ENTPD6: variants seen among roughly 807,000 people sequenced by gnomAD.
The protein encoded by ENTPD6 is ectonucleoside triphosphate diphosphohydrolase 6, also known as CD39 antigen-like 2.
A neutral mutation model predicts 61.5 loss-of-function variants in ENTPD6; 46 were observed. That is an observed-to-expected ratio of 0.75 (90% CI 0.59 to 0.96). ENTPD6 has a LOEUF of 0.96. Among genes scored for constraint, ENTPD6 ranks in the 40% least tolerant of loss-of-function variants. The pLI, the probability that ENTPD6 is intolerant of heterozygous loss-of-function variation, is 0.00. For missense variants in ENTPD6, 612 were observed against 629.0 expected (o/e 0.97, Z 0.29); for synonymous variants, 252 against 255.5 (o/e 0.99, Z 0.13).
chr20:25,218,289 C>G (rs1162667374), intron 9 of ENTPD6, among the ~76,000 whole-genome samples: 1 of 152,230 alleles, frequency 6.6e-6, no homozygotes, highest in African/African-American at 2.4e-5. Flanking sequence ...GCATCCCAGA[C>G]TGGTGTCGAG....
intron 11 of ENTPD6, chr20:25,222,351 C>T (rs2123315440): frequency 1.3e-5 from 2 of 157,372 alleles, no homozygotes; most frequent in South Asian, 1.9e-4. Flanking sequence ...TAGAGGCGCC[C>T]TCAGATGTCC....
chr20:25,211,269 A>C (rs1278648358), intron 4 of ENTPD6, among the ~76,000 whole-genome samples: 1 of 152,196 alleles, frequency 6.6e-6, no homozygotes, highest in Non-Finnish European at 1.5e-5. Flanking sequence ...AAGAAATTGA[A>C]ATTAGTGATT....
intron 3 of ENTPD6, among the ~76,000 whole-genome samples, 185 bp downstream of exon 3, chr20:25,207,582 G>T (rs2091613519): frequency 6.6e-6 from 1 of 152,226 alleles, no homozygotes; most frequent in Non-Finnish European, 1.5e-5. Flanking sequence ...TCTTACACTA[G>T]TGAGTGGTGA....
chr20:25,219,355 C>A (rs191934251), intron 10 of ENTPD6, among the ~76,000 whole-genome samples: 1 of 152,314 alleles, frequency 6.6e-6, no homozygotes, highest in East Asian at 1.9e-4. Context: ...GGGTTCTTGC[C>A]GTCAGGGAAA....
At chr20:25,220,739 G>C (rs1160193712) in intron 10 of ENTPD6, among the ~76,000 whole-genome samples, 1 of 152,252 alleles carries the variant, frequency 6.6e-6, no homozygotes, top group Non-Finnish European at 1.5e-5. Context: ...ACAGCAGCCT[G>C]CCATCCTCGA....
intron 1 of ENTPD6, among the ~76,000 whole-genome samples, chr20:25,204,834 GA>G (rs2091331376): frequency 6.6e-6 from 1 of 152,330 alleles, no homozygotes; most frequent in African/African-American, 2.4e-5. Context: ...AAACACCTCA[GA>G]GTTCCTGACA....
chr20:25,196,093 G>A, intron 1 of ENTPD6: 1 of 1,090,308 alleles, frequency 9.2e-7, no homozygotes, highest in Non-Finnish European at 1.2e-6. Context: ...CACAGGGCGG[G>A]CCAAATAGCA....
intron 1 of ENTPD6, among the ~76,000 whole-genome samples, chr20:25,199,116 T>G (rs2090806623): frequency 6.6e-6 from 1 of 152,146 alleles, no homozygotes; most frequent in Non-Finnish European, 1.5e-5. Flanking sequence ...GGTTTTGTGT[T>G]GGGTGCTGGA....
rs1449022992 is a variant in ENTPD6 at position 25,221,299 on chromosome 20, A to G, written c.1011A>G (p.Ala337=). 6.2e-7 allele frequency: 1 copy of G among 1,614,212 alleles called. No homozygotes were observed. The highest frequency in any genetic ancestry group is 1.7e-5 in the Admixed American group (1 of 60,026). ...SPSFKGEWEH[A]EVTYRVSGQK... The stretch of plus-strand genomic sequence containing the variant: ...GTTTCAAAGGAGAGTGGGAACACGC[A>G]GAAGTCACGTACAGGGTTTCAGGGC... Residue 337 remains alanine, a synonymous_variant, in exon 11 of 15, where the codon GCA becomes GCG. Transcript: ENST00000376652.
At position 25,221,322 on chromosome 20, in the gene ENTPD6, G is replaced by C. The variant is rs2092624061; in HGVS notation, c.1034G>C (p.Gly345Ala). 6.2e-7 allele frequency: 1 copy of C among 1,613,956 alleles called. No homozygotes were observed. The highest frequency in any genetic ancestry group is 8.5e-7 in the Non-Finnish European group (1 of 1,179,958). Residue 345 changes from glycine to alanine, a missense_variant, in exon 11 of 15, where the codon GGG becomes GCG. Physicochemically the swap from Gly to Ala is moderately conservative, Grantham distance 60. Transcript: ENST00000376652. Reference sequence around the variant, plus strand: ...GCAGAAGTCACGTACAGGGTTTCAGGGCAGAAAGCAGGTACGGGGAGGGTT... The same window carrying C: ...GCAGAAGTCACGTACAGGGTTTCAGCGCAGAAAGCAGGTACGGGGAGGGTT... ...EHAEVTYRVS[G>A]QKAAASLHEL...
rs142844304 is a variant in ENTPD6 at position 25,214,353 on chromosome 20, C to T, written c.598-514C>T. Among the ~76,000 whole-genome samples the T allele has an allele frequency of 2.3e-3, 357 of 152,306 alleles. 2 individuals carry two copies. The highest frequency in any genetic ancestry group is 3.5e-3 in the Admixed American group (54 of 15,296). On this transcript the variant is annotated intron_variant, in intron 5 of 14. Transcript: ENST00000376652. The stretch of plus-strand genomic sequence containing the variant: ...CTGAAAGGTGGGCAAGGAAATACCC[C>T]CCGAGGCCAGGGCCCTGGTGAAGGT...
At chr20:25,221,147 C>T in intron 10 of ENTPD6, 85 bp from the exon 11 acceptor site, 2 of 1,048,478 alleles carry the variant, frequency 1.9e-6, no homozygotes, top group Non-Finnish European at 2.8e-6. Context: ...TGTGTCAAGC[C>T]AGGGCCTCCG....
chr20:25,210,323 C>T (rs1007708), intron 4 of ENTPD6, among the ~76,000 whole-genome samples: 83,254 of 152,036 alleles, frequency 0.55, 23,831 homozygotes, highest in East Asian at 0.92. Flanking sequence ...GGTTTCTGAT[C>T]GAAGATAGCA....
chr20:25,212,157 C>T (rs905317624), intron 4 of ENTPD6, among the ~76,000 whole-genome samples: 3 of 152,208 alleles, frequency 2.0e-5, no homozygotes, highest in Non-Finnish European at 4.4e-5. Flanking sequence ...CACAGAATCA[C>T]ACCTGTCTAC....
At position 25,216,721 on chromosome 20, in the gene ENTPD6, C is replaced by G. The variant is rs1161317170; in HGVS notation, c.783C>G (p.Phe261Leu). 1.9e-6 allele frequency: 3 copies of G among 1,599,660 alleles called. No homozygotes were observed. In the Admixed American group the frequency reaches 5.1e-5, roughly 27 times the overall value. The change falls in exon 8 of 15, where the codon TTC becomes TTG. Residue 261 changes from phenylalanine to leucine, a missense_variant. Physicochemically the swap from Phe to Leu is conservative, Grantham distance 22. Transcript: ENST00000376652. ...DLGGGSTQIA[F>L]LPRVEGTLQA... ...GCGGAGGATCCACTCAGATCGCCTT[C>G]CTGCCACGCGTGGAGGTAACAAGCC...
chr20:25,200,746 T>A, intron 1 of ENTPD6, among the ~76,000 whole-genome samples: 1 of 152,294 alleles, frequency 6.6e-6, no homozygotes, highest in Admixed American at 6.5e-5. Context: ...CAAATTTTAG[T>A]TTCATTTATT....
At chr20:25,216,578 A>G (rs2092323161) in intron 7 of ENTPD6, 70 bp from the exon 8 acceptor site, 1 of 1,192,410 alleles carries the variant, frequency 8.4e-7, no homozygotes, top group Admixed American at 2.0e-5. Flanking sequence ...CCTGGCTTTC[A>G]CCCTGGCTTT....
In ENTPD6 at chr20:25,216,724, G is replaced by C; in HGVS notation, c.786G>C (p.Leu262=). ...LGGGSTQIAF[L]PRVEGTLQAS... ...GAGGATCCACTCAGATCGCCTTCCTGCCACGCGTGGAGGTAACAAGCCCTG... is the reference window on the plus strand; with the variant it reads ...GAGGATCCACTCAGATCGCCTTCCTCCCACGCGTGGAGGTAACAAGCCCTG... Residue 262 remains leucine (L), a synonymous_variant, in exon 8 of 15, where the codon CTG becomes CTC. Transcript: ENST00000376652. The C allele has an allele frequency of 6.3e-7, 1 of 1,588,814 alleles. No individual in the cohort carries two copies. The highest frequency in any genetic ancestry group is 8.6e-7 in the Non-Finnish European group (1 of 1,167,036).
intron 1 of ENTPD6, among the ~76,000 whole-genome samples, chr20:25,196,827 G>A (rs1251465326): frequency 6.6e-6 from 1 of 152,162 alleles, no homozygotes; most frequent in Non-Finnish European, 1.5e-5. Flanking sequence ...TCTCAAAATT[G>A]CTTTTTGTCC....
Sources: gnomAD v4.1 joint callset for allele counts (sites outside exome capture counted in the v4.1 genomes callset) on GRCh38, gnomAD v4.1.1 for gene constraint, MANE v1.5 for transcripts, NCBI Gene and HGNC (gene_info 2026-07-23, HGNC 2026-07-21) for gene names.